Variants in FRMD4A observed in about 807,000 individuals in gnomAD.
FRMD4A encodes FERM domain containing 4A, also known as FERM domain-containing protein 4A.
FRMD4A carries 29 observed loss-of-function variants against 129.1 expected under a neutral mutation model. The observed-to-expected ratio is 0.22, with a 90% CI of 0.17 to 0.31. FRMD4A has a LOEUF of 0.31. Ranked by LOEUF, FRMD4A falls within the 10% of genes least tolerant of loss-of-function variation. The pLI, the probability that FRMD4A is intolerant of heterozygous loss-of-function variation, is 1.00. For missense variants in FRMD4A, 1,272 were observed against 1,375.8 expected, an observed-to-expected ratio of 0.92 and a Z score of 1.19; for synonymous variants, 634 against 571.6, an observed-to-expected ratio of 1.11 and a Z score of -1.56.
chr10:13,878,277 A>G (rs1012754685), intron 2 of FRMD4A, among the ~76,000 whole-genome samples: 5 of 149,396 alleles, frequency 3.3e-5, no homozygotes, highest in Admixed American at 2.7e-4. Context: ...GGCTGTTTCC[A>G]TGAAAGAAGG....
At chr10:13,931,421 C>CT (rs2095193307) in intron 2 of FRMD4A, among the ~76,000 whole-genome samples, 1 of 152,120 alleles carries the variant, frequency 6.6e-6, no homozygotes, top group Non-Finnish European at 1.5e-5. Context: ...ATTGCTGTGC[C>CT]CCCCGAGGAC....
chr10:14,174,879 C>CTGTGTG (rs56966643), intron 2 of FRMD4A, among the ~76,000 whole-genome samples: 5,842 of 87,508 alleles, frequency 0.067, 192 homozygotes, highest in African/African-American at 0.087. Context: ...GTGTGTGTGT[C>CTGTGTG]TGTGTGTGTG....
chr10:13,715,553 C>T (rs551390050), intron 12 of FRMD4A, among the ~76,000 whole-genome samples: 144 of 152,246 alleles, frequency 9.5e-4, no homozygotes, highest in Non-Finnish European at 1.3e-3. Flanking sequence ...GGCTGCTGTA[C>T]TAATGAATTA....
intron 15 of FRMD4A, among the ~76,000 whole-genome samples, chr10:13,677,988 G>C (rs900809155): frequency 6.6e-6 from 1 of 152,124 alleles, no homozygotes; most frequent in African/African-American, 2.4e-5. Flanking sequence ...GATTTATTAA[G>C]TCCAATCTAA....
At chr10:13,679,741 T>C (rs1382621293) in intron 15 of FRMD4A, among the ~76,000 whole-genome samples, 1 of 152,062 alleles carries the variant, frequency 6.6e-6, no homozygotes, top group Non-Finnish European at 1.5e-5. Flanking sequence ...TCCACTGTTC[T>C]GGGGCAAGGG....
At chr10:13,700,212 C>T (rs906314063) in intron 14 of FRMD4A, among the ~76,000 whole-genome samples, 5 of 151,780 alleles carry the variant, frequency 3.3e-5, no homozygotes, top group South Asian at 2.1e-4. Context: ...CCTCCCGAAG[C>T]GCTGAGACTA....
intron 2 of FRMD4A, among the ~76,000 whole-genome samples, chr10:13,969,082 T>C (rs2095502606): frequency 6.6e-6 from 1 of 152,238 alleles, no homozygotes. Flanking sequence ...ATCTTGGACC[T>C]CCTGCAGACC....
At chr10:13,922,440 A>G (rs2610811) in intron 2 of FRMD4A, among the ~76,000 whole-genome samples, 138,938 of 152,254 alleles carry the variant, frequency 0.91, 63,495 homozygotes, top group South Asian at 0.94. Context: ...TTATTTTATA[A>G]AAGAAAGTAA....
At chr10:13,929,612 G>A (rs953668102) in intron 2 of FRMD4A, among the ~76,000 whole-genome samples, 1 of 152,178 alleles carries the variant, frequency 6.6e-6, no homozygotes, top group African/African-American at 2.4e-5. Context: ...AAAATTGGGG[G>A]ACAGTAGGGA....
chr10:13,931,706 G>A (rs2610794), intron 2 of FRMD4A, among the ~76,000 whole-genome samples: 2,441 of 151,648 alleles, frequency 0.016, 69 homozygotes, highest in African/African-American at 0.056. Flanking sequence ...GGGAGGCCAC[G>A]GTGGGCAGAT....
chr10:13,831,569 A>G (rs2093790989), intron 3 of FRMD4A, among the ~76,000 whole-genome samples: 1 of 152,198 alleles, frequency 6.6e-6, no homozygotes, highest in African/African-American at 2.4e-5. Flanking sequence ...CAGTAGCTTC[A>G]CTTCCCAGAG....
At chr10:13,846,760 G>A (rs1017123920) in intron 3 of FRMD4A, among the ~76,000 whole-genome samples, 15 of 152,202 alleles carry the variant, frequency 9.9e-5, no homozygotes, top group African/African-American at 1.4e-4. Flanking sequence ...GGAGGAACTC[G>A]AGAGTCAAAG....
At chr10:14,142,555 A>C (rs1471061952) in intron 2 of FRMD4A, among the ~76,000 whole-genome samples, 1 of 152,254 alleles carries the variant, frequency 6.6e-6, no homozygotes, top group African/African-American at 2.4e-5. Flanking sequence ...GTTAGTGTAC[A>C]ATAAGCAACT....
intron 2 of FRMD4A, among the ~76,000 whole-genome samples, chr10:14,318,499 C>T (rs958437009): frequency 1.3e-5 from 2 of 151,874 alleles, no homozygotes; most frequent in African/African-American, 4.8e-5. Context: ...AGGATTTACA[C>T]ATCCTCTGAG....
At chr10:14,085,494 G>C (rs1836215362) in intron 2 of FRMD4A, among the ~76,000 whole-genome samples, 1 of 152,216 alleles carries the variant, frequency 6.6e-6, no homozygotes, top group Non-Finnish European at 1.5e-5. Context: ...ATGAGGCTCT[G>C]ACACTTTGCA....
intron 2 of FRMD4A, among the ~76,000 whole-genome samples, chr10:14,273,527 T>G (rs1156835374): frequency 6.6e-6 from 1 of 152,164 alleles, no homozygotes; most frequent in Non-Finnish European, 1.5e-5. Flanking sequence ...TTTTTTTAAG[T>G]GAATGAAATT....
At chr10:13,803,507 A>AT (rs34433221) in intron 4 of FRMD4A, among the ~76,000 whole-genome samples, 51,008 of 149,550 alleles carry the variant, frequency 0.34, 9,690 homozygotes, top group Non-Finnish European at 0.44. Flanking sequence ...AATTAAACAA[A>AT]TTTTTTTTTT....
intron 4 of FRMD4A, among the ~76,000 whole-genome samples, chr10:13,800,229 C>T (rs1325572017): frequency 6.6e-6 from 1 of 152,128 alleles, no homozygotes; most frequent in African/African-American, 2.4e-5. Context: ...TCTCAACGAT[C>T]AGTTTTCAAC....
At chr10:14,328,448 G>A (rs910534433) in intron 2 of FRMD4A, among the ~76,000 whole-genome samples, 3 of 151,210 alleles carry the variant, frequency 2.0e-5, no homozygotes, top group African/African-American at 7.3e-5. Context: ...TTAGGGGCTT[G>A]GAATAAAGCA....
Sources: allele counts gnomAD v4.1 joint callset (sites outside exome capture counted in the v4.1 genomes callset), GRCh38; gene constraint gnomAD v4.1.1; transcripts MANE v1.5; gene names NCBI Gene and HGNC (gene_info 2026-07-23, HGNC 2026-07-21).